The following LTBP1 variants were observed in gnomAD, a reference collection of about 807,000 sequenced individuals.
The protein encoded by LTBP1 is latent transforming growth factor beta binding protein 1.
In LTBP1, 129 loss-of-function variants were observed where a neutral mutation model predicts 207.6. The observed-to-expected ratio is 0.62, with a 90% CI of 0.54 to 0.72. The LOEUF (loss-of-function observed/expected upper bound fraction) is 0.72, where lower values mean the gene tolerates loss of function less well. LTBP1 is among the 30% of genes least tolerant of loss of function. LTBP1 has a pLI of 0.00. For missense variants in LTBP1, 2,281 were observed against 2,217.2 expected, an observed-to-expected ratio of 1.03 and a Z score of -0.58; for synonymous variants, 963 against 833.7, an observed-to-expected ratio of 1.16 and a Z score of -2.67.
rs79600033 is a variant in LTBP1, at chr2:33,395,506, T to C, written c.4835-1627T>C. On this transcript the variant is annotated intron_variant, in intron 32 of 33. Transcript: ENST00000404816. ...GATTCACTTATTGTATATTTTTCGG[T>C]CATCTCTAAAACCCACTTTCTTCTC... Among the ~76,000 whole-genome samples the C allele has an allele frequency of 4.3e-3, 651 of 152,290 alleles. 6 individuals carry two copies. The highest frequency in any genetic ancestry group is 0.015 in the African/African-American group (628 of 41,544).
chr2:32,971,198 A>C (rs896755300), intron 2 of LTBP1, among the ~76,000 whole-genome samples: 1 of 152,138 alleles, frequency 6.6e-6, no homozygotes, highest in African/African-American at 2.4e-5. Context: ...TTGGGCAGAA[A>C]CTTTGGGGTT....
At chr2:33,203,564 G>A (rs1010167499) in intron 7 of LTBP1, among the ~76,000 whole-genome samples, 1 of 152,152 alleles carries the variant, frequency 6.6e-6, no homozygotes, top group African/African-American at 2.4e-5. Flanking sequence ...CACCTGCCCG[G>A]ACCTGTTTAA....
At chr2:33,194,345 AAAGCCAAAAT>A (rs2088292423) in intron 7 of LTBP1, among the ~76,000 whole-genome samples, 1 of 152,196 alleles carries the variant, frequency 6.6e-6, no homozygotes, top group African/African-American at 2.4e-5. Flanking sequence ...GGGCATGTTG[AAAGCCAAAAT>A]AAGCCAAAAG....
At chr2:33,248,043 C>T (rs1409861978) in intron 10 of LTBP1, among the ~76,000 whole-genome samples, 1 of 152,140 alleles carries the variant, frequency 6.6e-6, no homozygotes, top group Non-Finnish European at 1.5e-5. Flanking sequence ...ATCTTATGCC[C>T]GTTCTTTTCT....
chr2:33,363,703 C>G (rs966361396), intron 29 of LTBP1, among the ~76,000 whole-genome samples, 185 bp downstream of exon 29: 1 of 152,174 alleles, frequency 6.6e-6, no homozygotes, highest in Non-Finnish European at 1.5e-5. Flanking sequence ...CACCTCCATA[C>G]TACTGTTTGA....
chr2:33,376,017 AT>A (rs1186291498), intron 31 of LTBP1, among the ~76,000 whole-genome samples: 1 of 152,196 alleles, frequency 6.6e-6, no homozygotes, highest in East Asian at 1.9e-4. Flanking sequence ...CAAAGAACGG[AT>A]TAAACTTAAA....
chr2:32,959,549 A>ATGTGTGTGTGTG (rs10649487), intron 2 of LTBP1, among the ~76,000 whole-genome samples: 15 of 125,348 alleles, frequency 1.2e-4, no homozygotes, highest in Non-Finnish European at 2.2e-4. Context: ...CTGTATATAT[A>ATGTGTGTGTGTG]TGTGTGTGTG....
chr2:33,128,933 C>T (rs1454099095), intron 4 of LTBP1, among the ~76,000 whole-genome samples: 2 of 152,188 alleles, frequency 1.3e-5, no homozygotes, highest in African/African-American at 4.8e-5. Flanking sequence ...GGTAGGTTCT[C>T]TTAACATTCA....
At chr2:33,039,300 A>G (rs1203883100) in intron 3 of LTBP1, among the ~76,000 whole-genome samples, 1 of 144,912 alleles carries the variant, frequency 6.9e-6, no homozygotes, top group African/African-American at 2.7e-5. Flanking sequence ...CTGACAGGAG[A>G]AAAAAAAAAC....
chr2:33,115,837 TA>T (rs1461197668), intron 4 of LTBP1, among the ~76,000 whole-genome samples: 9 of 152,210 alleles, frequency 5.9e-5, no homozygotes, highest in Admixed American at 3.3e-4. Flanking sequence ...CAAACCCAAG[TA>T]ACTCAGACAA....
intron 3 of LTBP1, among the ~76,000 whole-genome samples, chr2:33,064,644 G>A (rs2077419724): frequency 6.6e-6 from 1 of 152,204 alleles, no homozygotes; most frequent in Non-Finnish European, 1.5e-5. Flanking sequence ...AGATGGAGAT[G>A]TTATTTTCAT....
intron 7 of LTBP1, among the ~76,000 whole-genome samples, chr2:33,194,952 T>C (rs1425866211): frequency 2.6e-5 from 4 of 152,226 alleles, no homozygotes; most frequent in Non-Finnish European, 5.9e-5. Context: ...AAATGTACTC[T>C]GCCTGTGCTA....
intron 2 of LTBP1, among the ~76,000 whole-genome samples, chr2:32,980,835 T>C (rs934780595): frequency 6.6e-6 from 1 of 152,194 alleles, no homozygotes; most frequent in Non-Finnish European, 1.5e-5. Flanking sequence ...TGAAGGATAT[T>C]TTTGCCATAG....
At chr2:33,122,151 T>C (rs927539961) in intron 4 of LTBP1, among the ~76,000 whole-genome samples, 1 of 150,874 alleles carries the variant, frequency 6.6e-6, no homozygotes, top group African/African-American at 2.5e-5. Context: ...GTGGAACGAG[T>C]CTATGGGTTC....
At chr2:33,240,265 C>T (rs2092262916) in intron 9 of LTBP1, among the ~76,000 whole-genome samples, 1 of 152,110 alleles carries the variant, frequency 6.6e-6, no homozygotes, top group Admixed American at 6.5e-5. Context: ...ACCATTCACC[C>T]ATCACATTCC....
intron 2 of LTBP1, among the ~76,000 whole-genome samples, chr2:33,005,449 G>A (rs2149028588): frequency 6.6e-6 from 1 of 152,230 alleles, no homozygotes; most frequent in African/African-American, 2.4e-5. Context: ...TTACATGATG[G>A]CTAGGTCCCA....
intron 10 of LTBP1, among the ~76,000 whole-genome samples, chr2:33,250,230 C>G (rs1158162570): frequency 6.6e-6 from 1 of 151,956 alleles, no homozygotes; most frequent in Non-Finnish European, 1.5e-5. Flanking sequence ...AATGGCACAC[C>G]CTGTCAGGTA....
At chr2:33,105,691 G>A (rs1025102931) in intron 3 of LTBP1, among the ~76,000 whole-genome samples, 1 of 152,054 alleles carries the variant, frequency 6.6e-6, no homozygotes, top group Non-Finnish European at 1.5e-5. Flanking sequence ...CTTCGGCCTC[G>A]CAAAGTGCTG....
intron 3 of LTBP1, among the ~76,000 whole-genome samples, chr2:33,071,477 C>A (rs931270081): frequency 1.3e-5 from 2 of 152,162 alleles, no homozygotes; most frequent in African/African-American, 2.4e-5. Context: ...GCAGTGGGAT[C>A]ATTGGGTGCC....
Sources: gnomAD v4.1 joint callset for allele counts (sites outside exome capture counted in the v4.1 genomes callset) on GRCh38, gnomAD v4.1.1 for gene constraint, MANE v1.5 for transcripts, NCBI Gene and HGNC (gene_info 2026-07-23, HGNC 2026-07-21) for gene names.